PTPRS: variants seen among roughly 807,000 people sequenced by gnomAD.
PTPRS encodes the protein receptor-type tyrosine-protein phosphatase S.
Under a neutral mutation model 215.3 loss-of-function variants are expected in PTPRS, and 63 were observed. That is an observed-to-expected ratio of 0.29 (90% confidence interval 0.24 to 0.36). The LOEUF (loss-of-function observed/expected upper bound fraction) is 0.36, where lower values mean the gene tolerates loss of function less well. Ranked by LOEUF, PTPRS falls within the 10% of genes least tolerant of loss-of-function variation. PTPRS has a pLI of 1.00. For synonymous variants in PTPRS, 1,404 were observed against 1,191.4 expected (o/e 1.18, Z -3.68); for missense variants, 2,258 against 2,825.8 (o/e 0.80, Z 4.56).
chr19:5,246,613 C>A (rs536403911), intron 9 of PTPRS, among the ~76,000 whole-genome samples: 1 of 152,284 alleles, frequency 6.6e-6, no homozygotes, highest in South Asian at 2.1e-4. Context: ...TCCAACCCTC[C>A]CTGGTTCTCT....
At position 5,237,587 on chromosome 19, in the gene PTPRS, G is replaced by T. The variant is rs1025692097; in HGVS notation, c.1849+1332C>A. 1.3e-5 allele frequency among the ~76,000 whole-genome samples: 2 copies of T among 152,198 alleles called. No individual in the cohort carries two copies. The highest frequency in any genetic ancestry group is 2.9e-5 in the Non-Finnish European group (2 of 68,030). On this transcript the variant is annotated intron_variant, in intron 13 of 37. Coordinates refer to ENST00000262963, the MANE Select transcript of PTPRS (RefSeq NM_002850.4). This position sits in a 1 kb window ranked among gnomAD's most constrained non-coding sequence, Gnocchi z 4.2. ...GTGGTTTGGGAGAGTTTCTGGGGCC[G>T]AATTCGGGCCGTGGACTGTCCGTTC...
chr19:5,328,794 G>A (rs74697547), intron 1 of PTPRS, among the ~76,000 whole-genome samples: 2,544 of 152,192 alleles, frequency 0.017, 35 homozygotes, highest in Non-Finnish European at 0.029. Context: ...ATGGTGGTGC[G>A]TGCCAGTAAT....
chr19:5,250,259 C>T (rs1046463724), intron 9 of PTPRS, among the ~76,000 whole-genome samples: 9 of 152,176 alleles, frequency 5.9e-5, no homozygotes, highest in Admixed American at 2.0e-4. Flanking sequence ...GAGGATCATG[C>T]CCATTGGCAC....
intron 37 of PTPRS, 23 bp from the exon 38 acceptor site, chr19:5,206,865 T>C (rs1474087267): frequency 1.2e-6 from 2 of 1,610,450 alleles, no homozygotes. Context: ...AGGTGACCTG[T>C]TAGTACCTCC....
At chr19:5,214,291 G>A in intron 30 of PTPRS, 70 bp downstream of exon 30, 3 of 1,604,916 alleles carry the variant, frequency 1.9e-6, no homozygotes, top group Non-Finnish European at 2.6e-6. Flanking sequence ...CTGGGTAGAA[G>A]CTGGGGCCCT....
intron 25 of PTPRS, 118 bp from the exon 26 acceptor site, chr19:5,216,885 C>CA (rs1555742440): frequency 4.1e-5 from 27 of 656,094 alleles, no homozygotes; most frequent in African/African-American, 3.1e-4. Context: ...ACGCGGACAA[C>CA]GGGGGGTATG....
chr19:5,297,881 C>T (rs556873898), intron 1 of PTPRS, among the ~76,000 whole-genome samples: 1 of 151,564 alleles, frequency 6.6e-6, no homozygotes, highest in African/African-American at 2.4e-5. Flanking sequence ...CAACCTCTGC[C>T]TCCCGGGTTC....
chr19:5,211,880 T>TA (rs776286915), intron 32 of PTPRS, 85 bp downstream of exon 32: 16 of 1,562,658 alleles, frequency 1.0e-5, no homozygotes, highest in Admixed American at 1.8e-5. Context: ...CACCTTCTAG[T>TA]CCCCATTGCT....
intron 32 of PTPRS, 95 bp from the exon 33 acceptor site, chr19:5,211,863 C>G (rs2040924860): frequency 6.4e-7 from 1 of 1,569,740 alleles, no homozygotes; most frequent in Admixed American, 1.7e-5. Context: ...TAGGGGCACC[C>G]TGCCACCACC....
chr19:5,292,844 G>A (rs1306484957), intron 1 of PTPRS: 1 of 152,292 alleles, frequency 6.6e-6, no homozygotes, highest in African/African-American at 2.4e-5. Flanking sequence ...CCGGGAGGTG[G>A]GGGAGGAGAG....
chr19:5,335,664 A>T (rs1233516141), intron 1 of PTPRS, among the ~76,000 whole-genome samples: 1 of 152,194 alleles, frequency 6.6e-6, no homozygotes, highest in African/African-American at 2.4e-5. Context: ...GATAACATAA[A>T]GAGTACGAGA....
In PTPRS at chr19:5,220,275, G is replaced by A; in HGVS notation, c.3534C>T (p.Asp1178=). 4 of 1,613,978 alleles carry A rather than the reference G, an allele frequency of 2.5e-6. No individual in the cohort carries two copies. Among genetic ancestry groups the A allele is most frequent in the Non-Finnish European group, 2.5e-6 (3 of 1,179,928 alleles). Residue 1178 remains aspartate (D), a synonymous_variant, in exon 21 of 38, where the codon GAC becomes GAT. Coordinates refer to ENST00000262963, the MANE Select transcript of PTPRS (RefSeq NM_002850.4). The part of the protein sequence containing the change: ...QFLTPLGSPE[D]MDLEELIQDI... Reference sequence around the variant, plus strand: ...AGGCCCTCACCTCTTCCAGATCCATGTCCTCTGGGCTACCCAGCGGGGTCA... The same window carrying A: ...AGGCCCTCACCTCTTCCAGATCCATATCCTCTGGGCTACCCAGCGGGGTCA...
Position 5,314,112 on chromosome 19 carries a change from T to C in PTPRS, c.-95+26552A>G, listed in dbSNP as rs981478227. ...CAATCACAGCCACTGCATTCCAGCC[T>C]GGGCAACAGAGCAAGATCCTGTCTC... On this transcript the variant is annotated intron_variant, in intron 1 of 37. Coordinates refer to ENST00000262963, the MANE Select transcript of PTPRS (RefSeq NM_002850.4). Among the ~76,000 whole-genome samples, 5 of 152,286 alleles carry C rather than the reference T, an allele frequency of 3.3e-5. No homozygotes were observed. The South Asian group carries it at 1.0e-3, about 32-fold the overall frequency.
chr19:5,300,676 C>A (rs1311392592), intron 1 of PTPRS, among the ~76,000 whole-genome samples: 7 of 145,848 alleles, frequency 4.8e-5, no homozygotes, highest in African/African-American at 1.8e-4. Flanking sequence ...GAGGCTGAGG[C>A]AGGATTGCTT....
intron 1 of PTPRS, among the ~76,000 whole-genome samples, chr19:5,324,758 T>C (rs1241308118): frequency 6.6e-6 from 1 of 152,198 alleles, no homozygotes; most frequent in Non-Finnish European, 1.5e-5. Flanking sequence ...CACAGGGCTG[T>C]GCAGATTCAA....
chr19:5,315,160 C>T (rs1057296182), intron 1 of PTPRS, among the ~76,000 whole-genome samples: 7 of 151,986 alleles, frequency 4.6e-5, no homozygotes, highest in African/African-American at 1.4e-4. Context: ...GATCAGCCAC[C>T]GCCACCTCCT....
intron 2 of PTPRS, chr19:5,278,103 C>G (rs1339913153): frequency 2.7e-6 from 2 of 739,928 alleles, no homozygotes. Flanking sequence ...GTCACCAACC[C>G]CAATGCCAGG....
chr19:5,244,346 C>A lies in PTPRS; in HGVS notation c.1125G>T (p.Pro375=), dbSNP rs371191123. The A allele has an allele frequency of 1.9e-6, 3 of 1,614,212 alleles. No homozygotes were observed. In the African/African-American group the frequency reaches 4.0e-5, roughly 22 times the overall value. ...IEYKSKSQDG[P]YQIKEDITTT... ...TGGTGATGTCCTCTTTAATCTGATA[C>A]GGCCCGTCTTGGCTCTTGGATTTAT... Residue 375 remains proline, a synonymous_variant, in exon 11 of 38, where the codon CCG becomes CCT. Coordinates refer to ENST00000262963, the MANE Select transcript of PTPRS (RefSeq NM_002850.4). The surrounding 1 kb of genome is among the most constrained non-coding windows in gnomAD (Gnocchi z 7.2).
chr19:5,241,130 C>T (rs2044007490), intron 11 of PTPRS, among the ~76,000 whole-genome samples: 1 of 151,778 alleles, frequency 6.6e-6, no homozygotes. Context: ...CTCAACTGAT[C>T]CTCCTGCCTC....
Sources: allele counts gnomAD v4.1 joint callset (sites outside exome capture counted in the v4.1 genomes callset), GRCh38; gene constraint gnomAD v4.1.1; non-coding constraint Gnocchi (gnomAD v3.1); transcripts MANE v1.5; gene names NCBI Gene and HGNC (gene_info 2026-07-23, HGNC 2026-07-21).